Variants in ATP2C2 observed in about 807,000 individuals in gnomAD.
ATP2C2 encodes the protein ATPase secretory pathway Ca2+ transporting 2, also known as calcium-transporting ATPase type 2C member 2.
A neutral mutation model predicts 110.8 loss-of-function variants in ATP2C2; 171 were observed. The ratio of observed to expected loss-of-function variants is 1.54; its 90% confidence interval spans 1.36 to 1.75. The LOEUF is 1.75. Ranked by LOEUF, ATP2C2 falls within the 40% of genes most tolerant of loss-of-function variation. The pLI, the probability that ATP2C2 is intolerant of heterozygous loss-of-function variation, is 0.00. For missense variants in ATP2C2, 1,963 were observed against 1,235.0 expected, an observed-to-expected ratio of 1.59 and a Z score of -8.84; for synonymous variants, 804 against 508.4, an observed-to-expected ratio of 1.58 and a Z score of -7.82.
intron 11 of ATP2C2, among the ~76,000 whole-genome samples, chr16:84,436,577 A>C (rs547868040): frequency 6.6e-6 from 1 of 152,030 alleles, no homozygotes; most frequent in Admixed American, 6.6e-5. Context: ...CTAGTCCCCT[A>C]AATAGTCTCT....
At chr16:84,461,621 C>A in intron 24 of ATP2C2, 93 bp from the exon 25 acceptor site, 1 of 1,155,404 alleles carries the variant, frequency 8.7e-7, no homozygotes, top group Non-Finnish European at 1.3e-6. Context: ...CCCAGCCATG[C>A]CCCAGGAGCA....
At chr16:84,444,175 A>AAAAC (rs1909531787) in intron 15 of ATP2C2, among the ~76,000 whole-genome samples, 1 of 151,232 alleles carries the variant, frequency 6.6e-6, no homozygotes, top group African/African-American at 2.4e-5. Context: ...AAAAAAAAAA[A>AAAAC]AAAAAAAAAC....
chr16:84,451,698 C>T (rs149695346), intron 17 of ATP2C2, among the ~76,000 whole-genome samples: 19 of 152,206 alleles, frequency 1.2e-4, no homozygotes, highest in African/African-American at 4.3e-4. Flanking sequence ...ATTAGCTGGG[C>T]CTGGAGGCGC....
intron 1 of ATP2C2, among the ~76,000 whole-genome samples, chr16:84,382,989 C>T (rs1910673044): frequency 6.6e-6 from 1 of 151,992 alleles, no homozygotes; most frequent in African/African-American, 2.4e-5. Flanking sequence ...AAAGCAGCCT[C>T]AGAAGAGACA....
At chr16:84,456,324 C>A (rs1276011248) in intron 21 of ATP2C2, among the ~76,000 whole-genome samples, 2 of 151,758 alleles carry the variant, frequency 1.3e-5, no homozygotes, top group Admixed American at 6.6e-5. Flanking sequence ...TTGGTCTATT[C>A]AGAGATTCAA....
At chr16:84,378,686 G>A (rs549731996) in intron 1 of ATP2C2, among the ~76,000 whole-genome samples, 16 of 152,334 alleles carry the variant, frequency 1.1e-4, no homozygotes, top group Admixed American at 5.9e-4. Context: ...TCCATAGAAA[G>A]CGCTCAGTGG....
At chr16:84,397,254 C>G (rs114246918) in intron 1 of ATP2C2, among the ~76,000 whole-genome samples, 1 of 151,690 alleles carries the variant, frequency 6.6e-6, no homozygotes, top group African/African-American at 2.4e-5. Context: ...AGTGCTGGGA[C>G]TTCCAGAACT....
intron 1 of ATP2C2, 78 bp downstream of exon 1, chr16:84,368,792 C>A: frequency 8.0e-7 from 1 of 1,246,138 alleles, no homozygotes; most frequent in Non-Finnish European, 1.1e-6. Context: ...CGGCCCGAGA[C>A]CCCGCGTTCG....
intron 1 of ATP2C2, among the ~76,000 whole-genome samples, chr16:84,379,144 C>T (rs1371659339): frequency 6.6e-6 from 1 of 151,340 alleles, no homozygotes; most frequent in Admixed American, 6.6e-5. Context: ...CCTCTCTTCC[C>T]CTCCTTTCCC....
At chr16:84,406,664 C>T in intron 3 of ATP2C2, 2 of 984,792 alleles carry the variant, frequency 2.0e-6, no homozygotes, top group African/African-American at 1.7e-5. Context: ...GTAGGTGGTT[C>T]TGGCTAGCCC....
intron 6 of ATP2C2, among the ~76,000 whole-genome samples, chr16:84,411,369 C>T (rs1400433513): frequency 6.6e-6 from 1 of 152,166 alleles, no homozygotes; most frequent in Non-Finnish European, 1.5e-5. Flanking sequence ...CTTAGCGTAG[C>T]CCTGTGTGAT....
In ATP2C2 at chr16:84,429,123, C is replaced by T. The variant is rs1336045143; in HGVS notation, c.986+3322C>T. ...TTCTGGCTTAATATCCTGAACAGAA[C>T]GATCTTCATGGCGTTGTTTTTTTTG... On this transcript the variant is annotated intron_variant, in intron 11 of 26. Coordinates refer to ENST00000262429, the MANE Select transcript of ATP2C2 (RefSeq NM_014861.4). Among the ~76,000 whole-genome samples the T allele has an allele frequency of 2.8e-5, 4 of 143,416 alleles. No homozygotes were observed. The East Asian group carries it at 5.9e-4, about 21-fold the overall frequency. 94.1% of individuals were successfully genotyped at this position (143,416 alleles called of 152,430 possible).
At chr16:84,454,188 C>T (rs765033338) in intron 20 of ATP2C2, among the ~76,000 whole-genome samples, 1 of 152,106 alleles carries the variant, frequency 6.6e-6, no homozygotes, top group East Asian at 1.9e-4. Context: ...ACTATTAATG[C>T]CGTCAGCTGA....
intron 13 of ATP2C2, among the ~76,000 whole-genome samples, chr16:84,440,542 A>T (rs944994952): frequency 6.6e-6 from 1 of 152,222 alleles, no homozygotes; most frequent in Admixed American, 6.5e-5. Context: ...AAAGGCTAAC[A>T]CGTTTACCCA....
chr16:84,380,105 C>T (rs1386303873), intron 1 of ATP2C2, among the ~76,000 whole-genome samples: 3 of 152,190 alleles, frequency 2.0e-5, no homozygotes, highest in African/African-American at 4.8e-5. Flanking sequence ...CAGTAGATTT[C>T]AGGAAAGATA....
At chr16:84,410,867 G>T (rs1241651914) in intron 6 of ATP2C2, 102 bp downstream of exon 6, 6 of 1,203,426 alleles carry the variant, frequency 5.0e-6, no homozygotes, top group East Asian at 4.9e-5. Flanking sequence ...GGTAGTGTCG[G>T]ACAAGAGAAC....
At chr16:84,397,621 C>T (rs1327726398) in intron 1 of ATP2C2, among the ~76,000 whole-genome samples, 5 of 132,040 alleles carry the variant, frequency 3.8e-5, no homozygotes, top group Admixed American at 9.0e-5. Flanking sequence ...CTGCAGTGAG[C>T]TATGATTGCA....
At chr16:84,369,389 G>A (rs1022240485) in intron 1 of ATP2C2, among the ~76,000 whole-genome samples, 1 of 128,100 alleles carries the variant, frequency 7.8e-6, no homozygotes, top group East Asian at 4.0e-4. Context: ...AGGCTTGAGG[G>A]TGACCCAACA....
At chr16:84,387,863 G>A (rs1373969208) in intron 1 of ATP2C2, among the ~76,000 whole-genome samples, 1 of 151,842 alleles carries the variant, frequency 6.6e-6, no homozygotes, top group African/African-American at 2.4e-5. Flanking sequence ...GAGGTGGTAG[G>A]ATTGCTTGAG....
Sources: allele counts gnomAD v4.1 joint callset (sites outside exome capture counted in the v4.1 genomes callset), GRCh38; gene constraint gnomAD v4.1.1; transcripts MANE v1.5; gene names NCBI Gene and HGNC (gene_info 2026-07-23, HGNC 2026-07-21).